HECW2: variants seen among roughly 807,000 people sequenced by gnomAD.
The protein encoded by HECW2 is HECT, C2 and WW domain containing E3 ubiquitin protein ligase 2.
A neutral mutation model predicts 175.2 loss-of-function variants in HECW2; 61 were observed. That is an observed-to-expected ratio of 0.35 (90% CI 0.28 to 0.43). The LOEUF (loss-of-function observed/expected upper bound fraction) is 0.43, where lower values mean the gene tolerates loss of function less well. Ranked by LOEUF, HECW2 falls within the 20% of genes least tolerant of loss-of-function variation. The pLI is 1.00. For missense variants in HECW2, 1,524 were observed against 2,000.5 expected (o/e 0.76, Z 4.54); for synonymous variants, 671 against 731.0 (o/e 0.92, Z 1.32).
At chr2:196,499,560 T>C (rs1687509742) in intron 1 of HECW2, among the ~76,000 whole-genome samples, 1 of 152,166 alleles carries the variant, frequency 6.6e-6, no homozygotes. Context: ...GATGGAGGCT[T>C]AACTTTTTTC....
At chr2:196,327,500 T>C (rs1692198504) in intron 5 of HECW2, among the ~76,000 whole-genome samples, 1 of 152,220 alleles carries the variant, frequency 6.6e-6, no homozygotes, top group Non-Finnish European at 1.5e-5. Flanking sequence ...GCAGCATGTT[T>C]AAAATATTAA....
intron 1 of HECW2, among the ~76,000 whole-genome samples, chr2:196,531,866 T>C (rs1688851545): frequency 6.6e-6 from 1 of 152,168 alleles, no homozygotes. Context: ...TAGATCCCTA[T>C]CACACACTCC....
At chr2:196,219,952 G>T in intron 26 of HECW2, 87 bp downstream of exon 26, 2 of 826,466 alleles carry the variant, frequency 2.4e-6, no homozygotes, top group Non-Finnish European at 4.1e-6. Context: ...AAGTGCTGTT[G>T]CCTGTCCTAT....
intron 2 of HECW2, among the ~76,000 whole-genome samples, chr2:196,347,102 G>A (rs1313398499): frequency 2.7e-5 from 4 of 150,892 alleles, no homozygotes; most frequent in African/African-American, 7.3e-5. Context: ...ACCCAGGCTG[G>A]AGTACAGTGG....
intron 15 of HECW2, among the ~76,000 whole-genome samples, chr2:196,276,386 C>T (rs1479208833): frequency 6.6e-6 from 1 of 152,160 alleles, no homozygotes; most frequent in Non-Finnish European, 1.5e-5. Flanking sequence ...GCTACTACTA[C>T]TAGACCATGA....
chr2:196,433,066 G>A, intron 2 of HECW2, 66 bp downstream of exon 2: 2 of 1,446,744 alleles, frequency 1.4e-6, no homozygotes, highest in South Asian at 1.4e-5. Context: ...ATACAGAATG[G>A]TAAAAATGTC....
intron 3 of HECW2, among the ~76,000 whole-genome samples, chr2:196,336,549 A>T (rs62187062): frequency 1.3e-5 from 2 of 152,072 alleles, no homozygotes; most frequent in Non-Finnish European, 2.9e-5. Context: ...GTGCATTTTT[A>T]TAAGATATCT....
chr2:196,568,396 T>C (rs1338912892), intron 1 of HECW2, among the ~76,000 whole-genome samples: 3 of 152,254 alleles, frequency 2.0e-5, no homozygotes, highest in African/African-American at 4.8e-5. Flanking sequence ...GTAAAATACA[T>C]GGGGGAAAAT....
intron 1 of HECW2, among the ~76,000 whole-genome samples, chr2:196,506,697 C>T (rs1687771623): frequency 6.6e-6 from 1 of 151,448 alleles, no homozygotes; most frequent in Non-Finnish European, 1.5e-5. Flanking sequence ...TACAAAGTAG[C>T]CAAAAATGTA....
At chr2:196,314,621 C>A (rs115060730) in intron 10 of HECW2, among the ~76,000 whole-genome samples, 424 of 152,282 alleles carry the variant, frequency 2.8e-3, no homozygotes, top group African/African-American at 9.4e-3. Flanking sequence ...TGTGCAACAA[C>A]CTATTAATTA....
chr2:196,231,317 C>A (rs1688048854), intron 21 of HECW2, among the ~76,000 whole-genome samples: 1 of 152,100 alleles, frequency 6.6e-6, no homozygotes, highest in Non-Finnish European at 1.5e-5. Flanking sequence ...AATGGAAGAA[C>A]CAGCAGGCCT....
chr2:196,412,956 G>A (rs925077494), intron 2 of HECW2, among the ~76,000 whole-genome samples: 3 of 152,108 alleles, frequency 2.0e-5, no homozygotes, highest in African/African-American at 7.2e-5. Flanking sequence ...ATCTGTCATG[G>A]GTAAGCAACT....
intron 1 of HECW2, among the ~76,000 whole-genome samples, chr2:196,476,135 T>G (rs1686602867): frequency 6.7e-6 from 1 of 149,666 alleles, no homozygotes; most frequent in Non-Finnish European, 1.5e-5. Flanking sequence ...TGCCTCAGTT[T>G]CCTCATCAAA....
At chr2:196,473,978 T>TGATACAATGCAGCG (rs2125357679) in intron 1 of HECW2, among the ~76,000 whole-genome samples, 1 of 152,352 alleles carries the variant, frequency 6.6e-6, no homozygotes, top group Non-Finnish European at 1.5e-5. Context: ...AGAATTTTTC[T>TGATACAATGCAGCG]AGAACCAACT....
chr2:196,237,456 CTT>C (rs1688296508), intron 21 of HECW2, among the ~76,000 whole-genome samples: 1 of 152,122 alleles, frequency 6.6e-6, no homozygotes, highest in Non-Finnish European at 1.5e-5. Flanking sequence ...GTTTTCCATT[CTT>C]GAGTTACTTC....
chr2:196,342,573 C>A (rs1692797406), intron 3 of HECW2, among the ~76,000 whole-genome samples: 2 of 152,064 alleles, frequency 1.3e-5, no homozygotes, highest in Admixed American at 1.3e-4. Context: ...ATAAATAACA[C>A]CATCACCCAA....
chr2:196,273,303 G>T (rs1251223379), intron 16 of HECW2, among the ~76,000 whole-genome samples: 2 of 152,082 alleles, frequency 1.3e-5, no homozygotes, highest in Non-Finnish European at 2.9e-5. Flanking sequence ...TGTCGACCTT[G>T]TGATCTGCCC....
rs550573548 is a variant in HECW2, at chr2:196,320,727, C to A, written c.885-288G>T. ...ATTTTTAAGGACACTGATTCACTCT[C>A]TCACTTTTAAGGGTGACCAGGAAAA... is the stretch of plus-strand genomic sequence containing the variant. On this transcript the variant is annotated intron_variant, in intron 7 of 28. Transcript: ENST00000644978. 5.3e-5 allele frequency among the ~76,000 whole-genome samples: 8 copies of A among 152,330 alleles called. No individual in the cohort carries two copies. The South Asian group carries it at 1.7e-3, about 32-fold the overall frequency.
At chr2:196,563,408 A>G (rs1360097428) in intron 1 of HECW2, among the ~76,000 whole-genome samples, 1 of 151,722 alleles carries the variant, frequency 6.6e-6, no homozygotes, top group Non-Finnish European at 1.5e-5. Flanking sequence ...TCTACTAAAA[A>G]TTGAAAAATT....
Sources: gnomAD v4.1 joint callset for allele counts (sites outside exome capture counted in the v4.1 genomes callset) on GRCh38, gnomAD v4.1.1 for gene constraint, MANE v1.5 for transcripts, NCBI Gene and HGNC (gene_info 2026-07-23, HGNC 2026-07-21) for gene names.